Variants in ZBTB7C observed in about 807,000 individuals in gnomAD.
The protein encoded by ZBTB7C is zinc finger and BTB domain-containing protein 7C.
Under a neutral mutation model 25.7 loss-of-function variants are expected in ZBTB7C, and 8 were observed. The ratio of observed to expected loss-of-function variants is 0.31; its 90% CI spans 0.18 to 0.56. The LOEUF (loss-of-function observed/expected upper bound fraction) is 0.56. Ranked by LOEUF, ZBTB7C falls within the 20% of genes least tolerant of loss-of-function variation. The pLI is 0.91. For synonymous variants in ZBTB7C, 394 were observed against 369.0 expected, an observed-to-expected ratio of 1.07 and a Z score of -0.78; for missense variants, 824 against 855.2, an observed-to-expected ratio of 0.96 and a Z score of 0.46.
At chr18:48,262,117 A>G (rs1447901185) in intron 2 of ZBTB7C, among the ~76,000 whole-genome samples, 1 of 152,154 alleles carries the variant, frequency 6.6e-6, no homozygotes, top group Non-Finnish European at 1.5e-5. Context: ...AATCTGAAAT[A>G]TCCTTACATC....
At chr18:48,372,147 T>C (rs972005721) in intron 1 of ZBTB7C, among the ~76,000 whole-genome samples, 5 of 152,202 alleles carry the variant, frequency 3.3e-5, no homozygotes, top group African/African-American at 9.6e-5. Context: ...AGTGCTCACC[T>C]GGCTGCAGTC....
intron 2 of ZBTB7C, among the ~76,000 whole-genome samples, chr18:48,261,300 C>G (rs2044164145): frequency 6.6e-6 from 1 of 152,112 alleles, no homozygotes; most frequent in Admixed American, 6.5e-5. Context: ...GGGCAGGGCA[C>G]CGTGTGCAGA....
At position 48,205,066 on chromosome 18, in the gene ZBTB7C, C is replaced by T. The variant is rs1432873833; in HGVS notation, c.-78-19071G>A. 2.6e-5 allele frequency among the ~76,000 whole-genome samples: 4 copies of T among 151,976 alleles called. No individual in the cohort carries two copies. The East Asian group carries it at 5.8e-4, about 22-fold the overall frequency. The stretch of plus-strand genomic sequence containing the variant: ...GACCAATGACCAGGGATCCTCAGGG[C>T]CCTGGGGACACTCTTCTTTCCCCTC... On this transcript the variant is annotated intron_variant, in intron 2 of 4. Transcript: ENST00000590800.
At chr18:48,107,232 G>C (rs952698667) in intron 3 of ZBTB7C, among the ~76,000 whole-genome samples, 1 of 151,626 alleles carries the variant, frequency 6.6e-6, no homozygotes, top group African/African-American at 2.4e-5. Context: ...GGAGAAGGTG[G>C]AGGAGGGGTT....
chr18:48,180,440 G>A (rs1314807931), intron 3 of ZBTB7C: 1 of 436,414 alleles, frequency 2.3e-6, no homozygotes, highest in African/African-American at 2.0e-5. Context: ...GAAGACAAGG[G>A]TCTGGAGACA....
At chr18:48,269,857 A>G (rs932566813) in intron 2 of ZBTB7C, among the ~76,000 whole-genome samples, 4 of 152,324 alleles carry the variant, frequency 2.6e-5, no homozygotes, top group South Asian at 2.1e-4. Flanking sequence ...TCTCTAGTCC[A>G]CACTGGAGGT....
chr18:48,256,243 A>C (rs2044017962), intron 2 of ZBTB7C, among the ~76,000 whole-genome samples: 1 of 152,160 alleles, frequency 6.6e-6, no homozygotes, highest in African/African-American at 2.4e-5. Flanking sequence ...ACCAATAATA[A>C]AGACAAAATC....
chr18:48,250,062 G>C (rs899658834), intron 2 of ZBTB7C, among the ~76,000 whole-genome samples: 3 of 152,144 alleles, frequency 2.0e-5, no homozygotes, highest in Non-Finnish European at 4.4e-5. Flanking sequence ...ACATGGTCTA[G>C]AAACACAGCT....
chr18:48,228,898 T>G (rs1340087028), intron 2 of ZBTB7C, among the ~76,000 whole-genome samples: 1 of 151,954 alleles, frequency 6.6e-6, no homozygotes, highest in Non-Finnish European at 1.5e-5. Context: ...ATCAAGGATA[T>G]TTCTGTTCCC....
intron 2 of ZBTB7C, among the ~76,000 whole-genome samples, chr18:48,260,363 T>C (rs991624665): frequency 6.6e-6 from 1 of 152,194 alleles, no homozygotes; most frequent in African/African-American, 2.4e-5. Context: ...AGTGGGAGGA[T>C]ATGATCACAA....
chr18:48,107,268 G>A lies in ZBTB7C; in HGVS notation c.-16-66145C>T, dbSNP rs150170622. On this transcript the variant is annotated intron_variant, in intron 3 of 4. Transcript: ENST00000590800. Reference sequence around the variant, plus strand: ...AGGAAGGTTCAGGAGGAAGGGAGGCGGAGAGCAGGGGTAGAGGAAGATTGA... The same window carrying A: ...AGGAAGGTTCAGGAGGAAGGGAGGCAGAGAGCAGGGGTAGAGGAAGATTGA... Among the ~76,000 whole-genome samples, 452 of 151,622 alleles carry A rather than the reference G, an allele frequency of 3.0e-3. 3 individuals carry two copies. The highest frequency in any genetic ancestry group is 0.01 in the African/African-American group (420 of 41,296).
At chr18:48,383,541 T>C (rs1568414381) in intron 1 of ZBTB7C, among the ~76,000 whole-genome samples, 1 of 152,316 alleles carries the variant, frequency 6.6e-6, no homozygotes, top group South Asian at 2.1e-4. Context: ...GCTGGGATTA[T>C]AGGCATGTGA....
chr18:48,313,482 C>T (rs2045871080), intron 2 of ZBTB7C, among the ~76,000 whole-genome samples: 1 of 152,192 alleles, frequency 6.6e-6, no homozygotes, highest in African/African-American at 2.4e-5. Context: ...CCCCAACAGT[C>T]CTGAGGTTCA....
At chr18:48,168,868 T>A (rs905360292) in intron 3 of ZBTB7C, among the ~76,000 whole-genome samples, 7 of 152,236 alleles carry the variant, frequency 4.6e-5, no homozygotes, top group African/African-American at 1.7e-4. Context: ...AGAACACTTA[T>A]CACACCTTTC....
At chr18:48,115,201 C>T (rs1440200231) in intron 3 of ZBTB7C, among the ~76,000 whole-genome samples, 3 of 151,610 alleles carry the variant, frequency 2.0e-5, no homozygotes, top group Admixed American at 6.6e-5. Flanking sequence ...GCTTCTTTCA[C>T]TTAGTACAGG....
In ZBTB7C at chr18:48,215,680, T is replaced by C. The variant is rs2042806665; in HGVS notation, c.-78-29685A>G. 5.9e-5 allele frequency among the ~76,000 whole-genome samples: 9 copies of C among 152,264 alleles called. 1 individual carries two copies. The South Asian group carries it at 1.9e-3, about 32-fold the overall frequency. The stretch of plus-strand genomic sequence containing the variant: ...CATAAATGGCCACCCTTAGAGGCAA[T>C]AGATGGCAAGTGTTTCCCATTTAGA... On this transcript the variant is annotated intron_variant, in intron 2 of 4. Transcript: ENST00000590800.
intron 2 of ZBTB7C, among the ~76,000 whole-genome samples, chr18:48,336,440 C>T (rs886132095): frequency 1.3e-5 from 2 of 152,188 alleles, no homozygotes; most frequent in African/African-American, 2.4e-5. Flanking sequence ...TTATTTCATT[C>T]TCCCCACTAG....
chr18:48,147,164 G>A (rs1411287424), intron 3 of ZBTB7C, among the ~76,000 whole-genome samples: 7 of 152,058 alleles, frequency 4.6e-5, no homozygotes, highest in Admixed American at 1.3e-4. Flanking sequence ...TGCAACCTCC[G>A]CCTCCTGGGT....
At chr18:48,181,423 G>A (rs938708034) in intron 3 of ZBTB7C, among the ~76,000 whole-genome samples, 2 of 152,174 alleles carry the variant, frequency 1.3e-5, no homozygotes, top group Non-Finnish European at 1.5e-5. Context: ...AGGGACAGGA[G>A]GGATCAAAGG....
Sources: gnomAD v4.1 joint callset for allele counts (sites outside exome capture counted in the v4.1 genomes callset) on GRCh38, gnomAD v4.1.1 for gene constraint, MANE v1.5 for transcripts, NCBI Gene and HGNC (gene_info 2026-07-23, HGNC 2026-07-21) for gene names.